Variants in MTMR9 observed in about 807,000 individuals in gnomAD.
MTMR9 encodes the protein myotubularin-related protein 9.
MTMR9 carries 39 observed loss-of-function variants against 69.5 expected under a neutral mutation model. That is an observed-to-expected ratio of 0.56 (90% CI 0.43 to 0.73). The LOEUF is 0.73. Among genes scored for constraint, MTMR9 ranks in the 30% least tolerant of loss-of-function variants. MTMR9 has a pLI of 0.00. For synonymous variants in MTMR9, 354 were observed against 240.8 expected (o/e 1.47, Z -4.35); for missense variants, 900 against 671.2 (o/e 1.34, Z -3.77).
chr8:11,329,729 C>G (rs927882664), downstream of MTMR9, among the ~76,000 whole-genome samples: 2 of 152,238 alleles, frequency 1.3e-5, no homozygotes, highest in African/African-American at 4.8e-5. Flanking sequence ...CTCTGCCCGG[C>G]CGCCACCCCG....
chr8:11,337,320 A>C, the MTMR9 span, among the ~76,000 whole-genome samples: 1 of 152,224 alleles, frequency 6.6e-6, no homozygotes, highest in African/African-American at 2.4e-5. Flanking sequence ...GTCATGATGC[A>C]TCACTGCACT....
At chr8:11,295,035 C>G in intron 1 of MTMR9, 159 bp from the exon 2 acceptor site, 1 of 484,694 alleles carries the variant, frequency 2.1e-6, no homozygotes, top group Non-Finnish European at 3.6e-6. Flanking sequence ...GTATGGCTCA[C>G]ATTTTAATGA....
chr8:11,335,865 T>G, the MTMR9 span, among the ~76,000 whole-genome samples: 1 of 152,302 alleles, frequency 6.6e-6, no homozygotes, highest in African/African-American at 2.4e-5. Flanking sequence ...TGACCTCATC[T>G]CAACTAATTA....
At chr8:11,317,776 C>T (rs946071821) in intron 8 of MTMR9, 2 of 152,264 alleles carry the variant, frequency 1.3e-5, no homozygotes, top group Admixed American at 1.3e-4. Flanking sequence ...AGATTCACAT[C>T]AGAATGATCT....
intron 1 of MTMR9, among the ~76,000 whole-genome samples, chr8:11,288,364 T>C (rs1027995405): frequency 1.3e-4 from 18 of 142,202 alleles, no homozygotes; most frequent in African/African-American, 4.7e-4. Context: ...ATATAATATA[T>C]ATATAATGAT....
At chr8:11,331,830 C>T (rs749522447), downstream of MTMR9, 16 of 1,611,952 alleles carry the variant, frequency 9.9e-6, no homozygotes, top group Non-Finnish European at 1.4e-5. Flanking sequence ...CTTTGTGCTG[C>T]AGACCCCCGT....
chr8:11,316,740 C>T lies in MTMR9; in HGVS notation c.1181C>T (p.Ala394Val). 1.2e-6 allele frequency: 2 copies of T among 1,613,782 alleles called. No individual in the cohort carries two copies. Among genetic ancestry groups the T allele is most frequent in the Non-Finnish European group, 1.7e-6 (2 of 1,179,910 alleles). ...AYCNTKQKWE[A>V]PVFLLFLDCV... ...TGTAACACCAAGCAGAAGTGGGAGG[C>T]TCCTGTATTTCTTCTCTTCTTGGAC... Residue 394 changes from alanine to valine, a missense_variant, in exon 8 of 10, where the codon GCT (alanine) becomes GTT (valine). Coordinates refer to ENST00000221086, the MANE Select transcript of MTMR9 (RefSeq NM_015458.4).
chr8:11,290,406 C>T (rs893031836), intron 1 of MTMR9, among the ~76,000 whole-genome samples: 1 of 151,910 alleles, frequency 6.6e-6, no homozygotes, highest in African/African-American at 2.4e-5. Context: ...AGTGTGTCAC[C>T]CATCTGTTGT....
downstream of MTMR9, chr8:11,331,077 C>T (rs13253016): frequency 0.46 from 713,706 of 1,554,266 alleles, 164,435 homozygotes; most frequent in East Asian, 0.71. Flanking sequence ...GCTCCCTGAG[C>T]CAGGAGGAGA....
At chr8:11,314,852 T>C in intron 6 of MTMR9, 71 bp from the exon 7 acceptor site, 2 of 1,489,734 alleles carry the variant, frequency 1.3e-6, no homozygotes, top group Non-Finnish European at 1.9e-6. Flanking sequence ...CAATAAACGC[T>C]TGTTATTAAC....
At chr8:11,310,508 T>C (rs1800154256) in intron 6 of MTMR9, among the ~76,000 whole-genome samples, 2 of 152,190 alleles carry the variant, frequency 1.3e-5, no homozygotes. Context: ...TAGAATGGGT[T>C]GCTGAAATCA....
At chr8:11,308,352 A>G (rs1800051497) in intron 5 of MTMR9, among the ~76,000 whole-genome samples, 1 of 152,148 alleles carries the variant, frequency 6.6e-6, no homozygotes. Context: ...CCATAAATGC[A>G]TGGATTTATT....
rs200081429 is a variant in MTMR9, at chr8:11,309,625, A to G, written c.908A>G (p.Asn303Ser). Reference protein sequence around the residue: ...DRWLSKLEASNWLTHIKEILT... With the variant: ...DRWLSKLEASSWLTHIKEILT... ...TGGCTCAGTAAATTGGAGGCCTCTA[A>G]CTGGCTGACTCACATCAAAGAGATT... is the stretch of plus-strand genomic sequence containing the variant. The change falls in exon 6 of 10, where the codon AAC becomes AGC. Residue 303 changes from asparagine (N) to serine (S), a missense_variant. Physicochemically the swap from Asn to Ser is conservative, Grantham distance 46. Coordinates refer to ENST00000221086, the MANE Select transcript of MTMR9 (RefSeq NM_015458.4). 58 of 1,613,864 alleles carry G rather than the reference A, an allele frequency of 3.6e-5. No individual in the cohort carries two copies. The African/African-American group carries it at 6.8e-4, about 19-fold the overall frequency.
At chr8:11,309,940 C>T (rs1364228069) in intron 6 of MTMR9, among the ~76,000 whole-genome samples, 2 of 151,690 alleles carry the variant, frequency 1.3e-5, no homozygotes, top group South Asian at 2.1e-4. Flanking sequence ...CTAATGGACC[C>T]GTTTTTTTTT....
chr8:11,299,542 A>T (rs927080766), intron 2 of MTMR9, among the ~76,000 whole-genome samples: 2 of 152,190 alleles, frequency 1.3e-5, no homozygotes, highest in African/African-American at 2.4e-5. Flanking sequence ...TCTCATTCCC[A>T]TCTGACTGTA....
Position 11,322,186 on chromosome 8 carries a change from T to C in MTMR9, c.1487-439T>C, listed in dbSNP as rs144995248. Among the ~76,000 whole-genome samples the C allele has an allele frequency of 3.3e-3, 499 of 152,324 alleles. 1 individual carries two copies. The highest frequency in any genetic ancestry group is 0.012 in the African/African-American group (480 of 41,566). ...AACATATGTGGTTCTGCTTTTACTG[T>C]AGTTGTCACTTTTCAGGTGAAAATG... On this transcript the variant is annotated intron_variant, in intron 9 of 9. Coordinates refer to ENST00000221086, the MANE Select transcript of MTMR9 (RefSeq NM_015458.4).
chr8:11,310,807 A>T (rs1800167693), intron 6 of MTMR9, among the ~76,000 whole-genome samples: 1 of 131,856 alleles, frequency 7.6e-6, no homozygotes, highest in South Asian at 2.7e-4. Context: ...ACAGTTAATC[A>T]CCACATTTCT....
Position 11,314,976 on chromosome 8 carries a change from A to C in MTMR9, c.1025A>C (p.Gln342Pro). Residue 342 changes from glutamine (Q) to proline (P), a missense_variant, in exon 7 of 10, where the codon CAG becomes CCG. Physicochemically the swap from Gln to Pro is moderately conservative, Grantham distance 76 (BLOSUM62 -1). Transcript: ENST00000221086. ...ACAGAAGGAACTGATTCCACACTCCAGGTGACCTCCTTGGCCCAGATCATC... is the reference window on the plus strand; with the variant it reads ...ACAGAAGGAACTGATTCCACACTCCCGGTGACCTCCTTGGCCCAGATCATC... ...HGTEGTDSTL[Q>P]VTSLAQIILE... 6.2e-7 allele frequency: 1 copy of C among 1,614,046 alleles called. No individual in the cohort carries two copies. Among genetic ancestry groups the C allele is most frequent in the East Asian group, 2.2e-5 (1 of 44,880 alleles).
rs1337512369 is a variant in MTMR9 at position 11,324,526 on chromosome 8, A to G, written c.*1738A>G. 1 of 152,018 alleles carries G rather than the reference A, an allele frequency of 6.6e-6. No individual in the cohort carries two copies. Among genetic ancestry groups the G allele is most frequent in the Non-Finnish European group, 1.5e-5 (1 of 68,014 alleles). 9.4% of individuals were successfully genotyped at this position (152,018 alleles called of 1,614,324 possible). On this transcript the variant is annotated 3_prime_UTR_variant, in exon 10 of 10. Coordinates refer to ENST00000221086, the MANE Select transcript of MTMR9 (RefSeq NM_015458.4). Reference sequence around the variant, plus strand: ...AGTTTTGTTAAAAAAAAAAAAAAAAAAAGGAAACAGCCTCACTTTTTTGTG... The same window carrying G: ...AGTTTTGTTAAAAAAAAAAAAAAAAGAAGGAAACAGCCTCACTTTTTTGTG...
Sources: gnomAD v4.1 joint callset for allele counts (sites outside exome capture counted in the v4.1 genomes callset) on GRCh38, gnomAD v4.1.1 for gene constraint, MANE v1.5 for transcripts, NCBI Gene and HGNC (gene_info 2026-07-23, HGNC 2026-07-21) for gene names.